Variants in ERC2 observed in about 807,000 individuals in gnomAD.
ERC2 encodes the protein ELKS/RAB6-interacting/CAST family member 2, also known as ERC protein 2.
A neutral mutation model predicts 114.8 loss-of-function variants in ERC2; 42 were observed. The observed-to-expected ratio is 0.37, with a 90% CI of 0.29 to 0.47. ERC2 has a LOEUF of 0.47. Ranked by LOEUF, ERC2 falls within the 20% of genes least tolerant of loss-of-function variation. The pLI is 0.99. For missense variants in ERC2, 939 were observed against 1,150.7 expected, an observed-to-expected ratio of 0.82 and a Z score of 2.66; for synonymous variants, 454 against 425.5, an observed-to-expected ratio of 1.07 and a Z score of -0.82.
chr3:56,086,892 T>C (rs1268235233), intron 6 of ERC2, among the ~76,000 whole-genome samples: 4 of 152,148 alleles, frequency 2.6e-5, no homozygotes, highest in Non-Finnish European at 5.9e-5. Flanking sequence ...GGAATACCTT[T>C]CTCTGCCTCT....
chr3:55,880,990 CCT>C (rs2063091653), intron 14 of ERC2, among the ~76,000 whole-genome samples: 1 of 151,974 alleles, frequency 6.6e-6, no homozygotes, highest in African/African-American at 2.4e-5. Context: ...CTAGCACAAC[CCT>C]CTTGTTTATT....
chr3:55,563,961 G>C (rs1033646349), intron 17 of ERC2, among the ~76,000 whole-genome samples: 5 of 152,222 alleles, frequency 3.3e-5, no homozygotes, highest in Non-Finnish European at 7.3e-5. Context: ...CACAATATTT[G>C]CAGCGTGATC....
chr3:56,266,651 C>T (rs564802792), intron 3 of ERC2, among the ~76,000 whole-genome samples: 1 of 152,286 alleles, frequency 6.6e-6, no homozygotes, highest in South Asian at 2.1e-4. Context: ...GTCCCAGCTA[C>T]TCGGGAGGCT....
chr3:55,879,099 A>AT (rs3047064), intron 14 of ERC2, among the ~76,000 whole-genome samples: 5 of 127,822 alleles, frequency 3.9e-5, no homozygotes, highest in East Asian at 2.2e-4. Flanking sequence ...CTTTTTCTTA[A>AT]TTTTTTTTTT....
chr3:55,535,961 T>C (rs2053974897), intron 17 of ERC2, among the ~76,000 whole-genome samples: 1 of 152,118 alleles, frequency 6.6e-6, no homozygotes, highest in Admixed American at 6.5e-5. Flanking sequence ...ATCACACCAC[T>C]GCACTCCAGC....
chr3:55,725,403 C>CAA (rs2064849648), intron 15 of ERC2, among the ~76,000 whole-genome samples: 1 of 152,108 alleles, frequency 6.6e-6, no homozygotes, highest in East Asian at 1.9e-4. Context: ...AAAAGGTGGG[C>CAA]TACAGATTGC....
chr3:55,681,071 G>A (rs2062032912), intron 17 of ERC2, among the ~76,000 whole-genome samples: 1 of 152,086 alleles, frequency 6.6e-6, no homozygotes, highest in African/African-American at 2.4e-5. Flanking sequence ...TTTAAGAGGG[G>A]AAAGGCTAGC....
At chr3:55,952,191 T>A (rs1194988723) in intron 12 of ERC2, among the ~76,000 whole-genome samples, 1 of 122,300 alleles carries the variant, frequency 8.2e-6, no homozygotes, top group Non-Finnish European at 1.7e-5. Flanking sequence ...TCTCTCTCTC[T>A]CTCTCTCTAT....
intron 10 of ERC2, among the ~76,000 whole-genome samples, chr3:56,000,206 A>G (rs1051046908): frequency 5.3e-5 from 8 of 152,060 alleles, no homozygotes; most frequent in Non-Finnish European, 1.2e-4. Flanking sequence ...ATGAATAAAA[A>G]TGAACTAAAG....
rs117757774 is a variant in ERC2 at position 56,453,314 on chromosome 3, A to G, written c.-141+14934T>C. 3.1e-3 allele frequency among the ~76,000 whole-genome samples: 465 copies of G among 152,296 alleles called. 6 individuals are homozygous for G. In the East Asian group the frequency reaches 0.036, roughly 12 times the overall value. ...TTCTTTTTTCTTCTCTACCATGAAG[A>G]TAGGCTGTCCAAGAAAGGCTCCTTC... is the stretch of plus-strand genomic sequence containing the variant. On this transcript the variant is annotated intron_variant, in intron 1 of 17. Transcript: ENST00000288221.
chr3:56,037,967 A>G (rs1020638435), intron 7 of ERC2, among the ~76,000 whole-genome samples: 3 of 152,200 alleles, frequency 2.0e-5, no homozygotes, highest in African/African-American at 7.2e-5. Flanking sequence ...TTAAAGACTT[A>G]AATGTAAAAC....
intron 17 of ERC2, among the ~76,000 whole-genome samples, chr3:55,622,039 T>C (rs921142633): frequency 6.6e-6 from 1 of 152,206 alleles, no homozygotes; most frequent in Non-Finnish European, 1.5e-5. Context: ...CTGGACATAG[T>C]TGGGTAAGAA....
chr3:56,311,263 A>ATG (rs1560571224), intron 2 of ERC2, among the ~76,000 whole-genome samples: 2 of 78,474 alleles, frequency 2.5e-5, no homozygotes, highest in African/African-American at 9.8e-5. Flanking sequence ...CTCTATATAT[A>ATG]TATATATATA....
rs1204613143 is a variant in ERC2 at position 55,888,415 on chromosome 3, T to C, written c.2538A>G (p.Lys846=). 2 of 1,613,876 alleles carry C rather than the reference T, an allele frequency of 1.2e-6. No homozygotes were observed. The highest frequency in any genetic ancestry group is 1.7e-6 in the Non-Finnish European group (2 of 1,179,816). The change falls in exon 14 of 18, where the codon AAA becomes AAG. Residue 846 remains lysine, a synonymous_variant. Transcript: ENST00000288221. ...TCATCTCCAGGATCTCCTCCAGCTG[T>C]TTCCTCCTCTCAATCCGGAGGTTGG... ...HLANLRIERR[K]QLEEILEMKQ...
chr3:56,227,546 C>G (rs1292427744), intron 3 of ERC2, among the ~76,000 whole-genome samples: 2 of 152,034 alleles, frequency 1.3e-5, no homozygotes, highest in Non-Finnish European at 2.9e-5. Flanking sequence ...CGAACAGAAG[C>G]CCCCCTGACT....
intron 3 of ERC2, among the ~76,000 whole-genome samples, chr3:56,276,058 C>T (rs1269665218): frequency 1.3e-5 from 2 of 152,144 alleles, no homozygotes; most frequent in African/African-American, 2.4e-5. Context: ...AGCTCTAGTA[C>T]TTAAGAAATT....
intron 14 of ERC2, among the ~76,000 whole-genome samples, chr3:55,745,913 T>A (rs2066271448): frequency 6.6e-6 from 1 of 152,234 alleles, no homozygotes; most frequent in Admixed American, 6.5e-5. Context: ...TGTAAGTCTC[T>A]CTAAAAACAA....
intron 14 of ERC2, among the ~76,000 whole-genome samples, chr3:55,816,946 T>A (rs114074494): frequency 1.1e-3 from 162 of 152,224 alleles, no homozygotes; most frequent in African/African-American, 3.9e-3. Context: ...AAGTGACGAG[T>A]GAGCTACCTG....
At chr3:56,328,455 AC>A (rs2057463420) in intron 2 of ERC2, among the ~76,000 whole-genome samples, 2 of 152,248 alleles carry the variant, frequency 1.3e-5, no homozygotes, top group Admixed American at 1.3e-4. Flanking sequence ...ATGTGTGAGT[AC>A]TAAACAAAAC....
Sources: gnomAD v4.1 joint callset for allele counts (sites outside exome capture counted in the v4.1 genomes callset) on GRCh38, gnomAD v4.1.1 for gene constraint, MANE v1.5 for transcripts, NCBI Gene and HGNC (gene_info 2026-07-23, HGNC 2026-07-21) for gene names.